ASPSCR1: variants seen among roughly 807,000 people sequenced by gnomAD.
ASPSCR1 encodes the protein tether containing UBX domain for GLUT4.
Under a neutral mutation model 68.9 loss-of-function variants are expected in ASPSCR1, and 55 were observed. That is an observed-to-expected ratio of 0.80 (90% CI 0.64 to 1.00). The LOEUF is 1.00. Among genes scored for constraint, ASPSCR1 ranks in the 50% least tolerant of loss-of-function variants. ASPSCR1 has a pLI of 0.00. For synonymous variants in ASPSCR1, 352 were observed against 332.6 expected, an observed-to-expected ratio of 1.06 and a Z score of -0.63; for missense variants, 765 against 762.2, an observed-to-expected ratio of 1.00 and a Z score of -0.04.
rs1201732330 is a variant in ASPSCR1 at position 81,987,199 on chromosome 17, C to T, written c.374+1592C>T. ...GAGCGGGACCCGAGGCAGGAGATGA[C>T]GGAGCCTGAGAGCAAAGCGAAGCCA... On this transcript the variant is annotated intron_variant, in intron 4 of 15. Transcript: ENST00000306739. This position sits in a 1 kb window ranked among gnomAD's most constrained non-coding sequence, Gnocchi z 5.6. Among the ~76,000 whole-genome samples the T allele has an allele frequency of 6.7e-6, 1 of 149,638 alleles. No individual in the cohort carries two copies. The highest frequency in any genetic ancestry group is 2.5e-5 in the African/African-American group (1 of 39,834).
At chr17:82,004,010 AAC>A (rs1469327711) in intron 7 of ASPSCR1, among the ~76,000 whole-genome samples, 2 of 152,172 alleles carry the variant, frequency 1.3e-5, no homozygotes, top group East Asian at 1.9e-4. Context: ...GGGAGGGAAA[AAC>A]ACAAACCCTC....
At chr17:81,998,604 A>C (rs2042431815) in intron 7 of ASPSCR1, among the ~76,000 whole-genome samples, 1 of 152,190 alleles carries the variant, frequency 6.6e-6, no homozygotes, top group Non-Finnish European at 1.5e-5. Context: ...AAAAAATCTT[A>C]AGTGGGTGTT....
intron 7 of ASPSCR1, among the ~76,000 whole-genome samples, chr17:82,000,305 A>G (rs949513258): frequency 1.3e-5 from 2 of 151,904 alleles, no homozygotes; most frequent in Non-Finnish European, 2.9e-5. Context: ...GCCCGTCGGG[A>G]GGCGCTGTTG....
chr17:81,994,895 T>C lies in ASPSCR1; in HGVS notation c.432+17T>C. Reference sequence around the variant, plus strand: ...AGGGATGAGGTAGGCGGCCTGCTCTTGCTCACCCAGTCCCCGCTCACTTTC... The same window carrying C: ...AGGGATGAGGTAGGCGGCCTGCTCTCGCTCACCCAGTCCCCGCTCACTTTC... On this transcript the variant is annotated intron_variant, in intron 5 of 15. Transcript: ENST00000306739. 1.9e-6 allele frequency: 3 copies of C among 1,604,992 alleles called. No individual in the cohort carries two copies. Among genetic ancestry groups the C allele is most frequent in the Non-Finnish European group, 2.6e-6 (3 of 1,174,560 alleles).
intron 12 of ASPSCR1, chr17:82,016,172 G>A (rs1422642931): frequency 7.4e-6 from 3 of 406,438 alleles, no homozygotes; most frequent in Non-Finnish European, 1.3e-5. Flanking sequence ...TTCCTCGGGT[G>A]CAGAGGCCAG....
chr17:82,016,507 T>C lies in ASPSCR1; in HGVS notation c.1385T>C (p.Leu462Ser), dbSNP rs1312626053. ...CTCTTCCCGGCCGCTCTGGTGCACT[T>C]GGGAGCCGAGGAGCCGGCAGGTGAG... ...ANLFPAALVH[L>S]GAEEPAGVYL... is the part of the protein sequence containing the mutation. The change falls in exon 13 of 16, where the codon TTG (leucine) becomes TCG (serine). Residue 462 changes from leucine (L) to serine (S), a missense_variant. Coordinates refer to ENST00000306739, the MANE Select transcript of ASPSCR1 (RefSeq NM_024083.4). 6.5e-7 allele frequency: 1 copy of C among 1,549,176 alleles called. No homozygotes were observed. Among genetic ancestry groups the C allele is most frequent in the South Asian group, 1.2e-5 (1 of 84,032 alleles).
At chr17:81,996,088 C>A (rs753327169) in intron 6 of ASPSCR1, 23 bp downstream of exon 6, 2 of 1,574,798 alleles carry the variant, frequency 1.3e-6, no homozygotes, top group African/African-American at 1.4e-5. Flanking sequence ...CTGCTGGGGC[C>A]GAGGAGTCTA....
In ASPSCR1 at chr17:81,996,476, C is replaced by T. The variant is rs2042344444; in HGVS notation, c.563C>T (p.Ser188Leu). Reference protein sequence around the residue: ...VGKTPGSLGSSASAGQAAASA... With the variant: ...VGKTPGSLGSLASAGQAAASA... ...AAGACCCCAGGAAGCCTGGGCTCGT[C>T]AGCGTCGGCTGGCCAGGCAGCCGCC... The change falls in exon 7 of 16, where the codon TCA becomes TTA. Residue 188 changes from serine (S) to leucine (L), a missense_variant. Ser to Leu is a moderately radical substitution (Grantham distance 145, BLOSUM62 -2). Coordinates refer to ENST00000306739, the MANE Select transcript of ASPSCR1 (RefSeq NM_024083.4). 8 of 1,610,052 alleles carry T rather than the reference C, an allele frequency of 5.0e-6. No homozygotes were observed. The highest frequency in any genetic ancestry group is 6.8e-6 in the Non-Finnish European group (8 of 1,177,984).
rs2042350884 is a variant in ASPSCR1 at position 81,996,614 on chromosome 17, C to G, written c.701C>G (p.Thr234Arg). 3.1e-6 allele frequency: 5 copies of G among 1,611,748 alleles called. No homozygotes were observed. The East Asian group carries it at 1.1e-4, about 36-fold the overall frequency. ...CCEHTQEKQS[T>R]RAPAAAPFVP... ...GAGCACACTCAGGAGAAGCAGAGCA[C>G]AAGGGCACCCGCAGCTGCCCCCTTT... The change falls in exon 7 of 16, where the codon ACA becomes AGA. Residue 234 changes from threonine to arginine, a missense_variant. Physicochemically the swap from Thr to Arg is moderately conservative, Grantham distance 71. Transcript: ENST00000306739.
intron 5 of ASPSCR1, chr17:81,995,242 A>G: frequency 3.5e-6 from 1 of 285,042 alleles, no homozygotes; most frequent in Non-Finnish European, 6.6e-6. Flanking sequence ...CTGGCCTCAC[A>G]GGGGCCTTTT....
intron 12 of ASPSCR1, chr17:82,015,393 G>A (rs558380421): frequency 1.2e-5 from 19 of 1,571,944 alleles, no homozygotes; most frequent in Non-Finnish European, 1.5e-5. Flanking sequence ...GCACAGAGGC[G>A]CAGACAGGGA....
Position 82,010,681 on chromosome 17 carries a change from C to G in ASPSCR1, c.1171-121C>G, listed in dbSNP as rs1241717920. On this transcript the variant is annotated intron_variant, in intron 9 of 15. Coordinates refer to ENST00000306739, the MANE Select transcript of ASPSCR1 (RefSeq NM_024083.4). ...AAGCCCAGGCCCTGATTGGGGGTGG[C>G]TGCTTCTGCCTGCCTCAGCCCTGGT... The G allele has an allele frequency of 1.4e-5, 15 of 1,044,228 alleles. No individual in the cohort carries two copies. In the Admixed American group the frequency reaches 1.9e-4, roughly 13 times the overall value. 64.7% of individuals were successfully genotyped at this position (1,044,228 alleles called of 1,614,324 possible).
intron 7 of ASPSCR1, among the ~76,000 whole-genome samples, chr17:82,001,655 G>A (rs1174871076): frequency 1.3e-5 from 2 of 152,170 alleles, no homozygotes; most frequent in African/African-American, 2.4e-5. Flanking sequence ...CGTACTGGGC[G>A]AGTCGGCTGC....
rs767199991 is a variant in ASPSCR1 at position 82,016,925 on chromosome 17, C to T, written c.1476-16C>T. 7 of 1,611,212 alleles carry T rather than the reference C, an allele frequency of 4.3e-6. No individual in the cohort carries two copies. Among genetic ancestry groups the T allele is most frequent in the Non-Finnish European group, 8.5e-7 (1 of 1,178,856 alleles). On this transcript the variant is annotated splice_polypyrimidine_tract_variant and intron_variant, in intron 14 of 15. Transcript: ENST00000306739. ...CGTGGCGGCACTCACCACTCTGTGT[C>T]TTCGCCTCCCCACAGGTACATGTCC...
At chr17:82,003,526 C>T (rs1001865388) in intron 7 of ASPSCR1, among the ~76,000 whole-genome samples, 1 of 152,256 alleles carries the variant, frequency 6.6e-6, no homozygotes, top group Non-Finnish European at 1.5e-5. Flanking sequence ...CAGGCCCGGG[C>T]CATGAGCATC....
intron 12 of ASPSCR1, chr17:82,012,855 AGCCCTGCTGGGCC>A (rs1237880613): frequency 3.2e-5 from 5 of 158,646 alleles, no homozygotes; most frequent in Middle Eastern, 3.3e-3. Flanking sequence ...CCGGGTTCCC[AGCCCTGCTGGGCC>A]GCCCTCCAGA....
rs1158761315 is a variant in ASPSCR1, at chr17:81,983,492, C to CGTGGATGGCGGGGT, written c.159-53_159-52insGGGGTGTGGATGGC. On this transcript the variant is annotated intron_variant, in intron 2 of 15. Transcript: ENST00000306739. The surrounding 1 kb of genome is among the most constrained non-coding windows in gnomAD (Gnocchi z 4.4). The stretch of plus-strand genomic sequence containing the variant: ...GGATGGTGGGACGGGGATGGCGGGG[C>CGTGGATGGCGGGGT]GTGGATGGCAGGGCGTGTCAGGCTC... The CGTGGATGGCGGGGT allele has an allele frequency of 2.8e-5, 38 of 1,355,078 alleles. No individual in the cohort carries two copies. In the African/African-American group the frequency reaches 5.1e-4, roughly 18 times the overall value. The allele number at this position is 1,355,078 out of a possible 1,614,324, so 83.9% of individuals were successfully genotyped here.
intron 3 of ASPSCR1, among the ~76,000 whole-genome samples, chr17:81,985,158 G>GC (rs1186252959): frequency 8.2e-6 from 1 of 122,616 alleles, no homozygotes; most frequent in Admixed American, 8.4e-5. Flanking sequence ...ACGCACATGC[G>GC]CACACCTGCA....
At chr17:81,984,918 C>T (rs1448904023) in intron 3 of ASPSCR1, among the ~76,000 whole-genome samples, 2 of 120,214 alleles carry the variant, frequency 1.7e-5, no homozygotes, top group African/African-American at 3.2e-5. Context: ...CCTACAGCAA[C>T]GTGCACACAC....
Sources: gnomAD v4.1 joint callset for allele counts (sites outside exome capture counted in the v4.1 genomes callset) on GRCh38, gnomAD v4.1.1 for gene constraint, Gnocchi (gnomAD v3.1) non-coding constraint, MANE v1.5 for transcripts, NCBI Gene and HGNC (gene_info 2026-07-23, HGNC 2026-07-21) for gene names.